Variants in HACL2 observed in about 807,000 individuals in gnomAD.
HACL2 encodes the protein 2-hydroxyacyl-CoA lyase 1 like.
chr19:15,123,799 A>G, the HACL2 span: 1 of 580,442 alleles, frequency 1.7e-6, no homozygotes, highest in South Asian at 2.2e-5. This position sits in a 1 kb window ranked among gnomAD's most constrained non-coding sequence, Gnocchi z 5.1. Context: ...ACAGCTGAGG[A>G]CATCAAGGCT....
chr19:15,118,163 C>T, the HACL2 span: 5 of 959,932 alleles, frequency 5.2e-6, no homozygotes, highest in Non-Finnish European at 3.1e-6. Flanking sequence ...TGCAGCTCCC[C>T]ACACCCCCTG....
the HACL2 span, chr19:15,115,813 C>A: frequency 1.2e-6 from 2 of 1,606,212 alleles, no homozygotes; most frequent in Non-Finnish European, 1.7e-6. Flanking sequence ...CTCCCAGAAC[C>A]CCAGGCCCTA....
chr19:15,116,492 A>C, the HACL2 span: 8 of 1,613,700 alleles, frequency 5.0e-6, no homozygotes, highest in South Asian at 6.6e-5. Flanking sequence ...AAGGCCCTCC[A>C]CTAACTTCAG....
At chr19:15,117,792 T>C in the HACL2 span, 2 of 1,518,564 alleles carry the variant, frequency 1.3e-6, no homozygotes, top group Non-Finnish European at 1.8e-6. Flanking sequence ...CCTCAATCAC[T>C]GTACCAGGCT....
the HACL2 span, chr19:15,115,186 G>A: frequency 1.3e-6 from 2 of 1,585,710 alleles, no homozygotes; most frequent in African/African-American, 1.3e-5. Context: ...GCAATGATGA[G>A]ACTCCAAACC....
the HACL2 span, chr19:15,115,861 C>A: frequency 8.1e-6 from 13 of 1,614,116 alleles, no homozygotes; most frequent in South Asian, 1.4e-4. Flanking sequence ...TTGTGTCTGA[C>A]GAATGTATCA....
the HACL2 span, chr19:15,125,018 G>C: frequency 6.3e-7 from 1 of 1,582,226 alleles, no homozygotes; most frequent in Non-Finnish European, 8.6e-7. Flanking sequence ...GGAAGGAGGG[G>C]AATAAGCTCC....
the HACL2 span, among the ~76,000 whole-genome samples, chr19:15,121,541 C>A: frequency 6.6e-6 from 1 of 151,934 alleles, no homozygotes; most frequent in Admixed American, 6.6e-5. Flanking sequence ...AGAGGCCAGG[C>A]GCAGTGGCTC....
At chr19:15,120,002 G>A in the HACL2 span, 1 of 1,550,224 alleles carries the variant, frequency 6.5e-7, no homozygotes, top group East Asian at 2.4e-5. Context: ...GAAGCCTGGG[G>A]GATGTCCAGG....
the HACL2 span, chr19:15,123,434 A>G: frequency 1.9e-6 from 3 of 1,614,054 alleles, no homozygotes; most frequent in African/African-American, 4.0e-5. The surrounding 1 kb of genome is among the most constrained non-coding windows in gnomAD (Gnocchi z 5.1). Flanking sequence ...GCGTGTGTCC[A>G]CCACACGGAT....
chr19:15,122,586 T>A, the HACL2 span: 1 of 908,384 alleles, frequency 1.1e-6, no homozygotes, highest in Non-Finnish European at 1.8e-6. The surrounding 1 kb of genome is among the most constrained non-coding windows in gnomAD (Gnocchi z 4.0). Flanking sequence ...TCCCCCCAGC[T>A]GTCTCCTCCC....
At chr19:15,120,679 C>T in the HACL2 span, among the ~76,000 whole-genome samples, 1 of 152,164 alleles carries the variant, frequency 6.6e-6, no homozygotes, top group Non-Finnish European at 1.5e-5. Context: ...CTCTATCCAG[C>T]GAAAGACAGA....
chr19:15,121,761 G>A, the HACL2 span, among the ~76,000 whole-genome samples: 7 of 147,894 alleles, frequency 4.7e-5, no homozygotes, highest in East Asian at 2.0e-4. Flanking sequence ...GCAGTGAGCC[G>A]AGATCACGCC....
chr19:15,119,817 T>C, the HACL2 span, among the ~76,000 whole-genome samples: 2 of 151,976 alleles, frequency 1.3e-5, no homozygotes, highest in African/African-American at 4.8e-5. Flanking sequence ...TCCCTAAGTG[T>C]TGGGATTGCT....
chr19:15,121,613 A>C, the HACL2 span, among the ~76,000 whole-genome samples: 3 of 151,952 alleles, frequency 2.0e-5, no homozygotes, highest in Non-Finnish European at 2.9e-5. Context: ...GTTCAAGACC[A>C]GCCTGGCCAA....
the HACL2 span, among the ~76,000 whole-genome samples, chr19:15,120,426 C>T: frequency 2.6e-5 from 4 of 152,196 alleles, no homozygotes; most frequent in East Asian, 1.9e-4. Context: ...GTGACTTCAC[C>T]CTTCTGAGCT....
the HACL2 span, chr19:15,119,132 G>T: frequency 6.6e-7 from 1 of 1,520,760 alleles, no homozygotes; most frequent in Non-Finnish European, 8.8e-7. Flanking sequence ...GGGGTTCCTG[G>T]GGGAAGGAGG....
chr19:15,119,595 G>A, the HACL2 span: 1 of 1,234,434 alleles, frequency 8.1e-7, no homozygotes, highest in South Asian at 1.4e-5. Context: ...CTGTTGCCCA[G>A]GATAGAGTGT....
the HACL2 span, chr19:15,115,272 C>T: frequency 2.5e-6 from 4 of 1,614,146 alleles, no homozygotes; most frequent in Non-Finnish European, 3.4e-6. Flanking sequence ...ATGGAGCCAT[C>T]GCGGAAGTCC....
Sources: gnomAD v4.1 joint callset for allele counts (sites outside exome capture counted in the v4.1 genomes callset) on GRCh38, gnomAD v4.1.1 for gene constraint, Gnocchi (gnomAD v3.1) non-coding constraint, MANE v1.5 for transcripts, NCBI Gene and HGNC (gene_info 2026-07-23, HGNC 2026-07-21) for gene names.